RPAP2: variants seen among roughly 807,000 people sequenced by gnomAD.
RPAP2 encodes the protein putative RNA polymerase II subunit B1 CTD phosphatase RPAP2.
In RPAP2, 52 loss-of-function variants were observed where a neutral mutation model predicts 73.1. The ratio of observed to expected loss-of-function variants is 0.71; its 90% CI spans 0.57 to 0.90. RPAP2 has a LOEUF of 0.90. Ranked by LOEUF, RPAP2 falls within the 40% of genes least tolerant of loss-of-function variation. RPAP2 has a pLI of 0.00. For missense variants in RPAP2, 598 were observed against 701.8 expected, an observed-to-expected ratio of 0.85 and a Z score of 1.67; for synonymous variants, 225 against 242.1, an observed-to-expected ratio of 0.93 and a Z score of 0.65.
At chr1:92,373,770 A>AAAAAAC (rs1557630371) in intron 11 of RPAP2, among the ~76,000 whole-genome samples, 1 of 138,328 alleles carries the variant, frequency 7.2e-6, no homozygotes, top group Non-Finnish European at 1.6e-5. Flanking sequence ...AAAAAAAAAA[A>AAAAAAC]GTAGCCAGGC....
intron 9 of RPAP2, among the ~76,000 whole-genome samples, chr1:92,335,400 T>C (rs953348245): frequency 6.6e-6 from 1 of 152,148 alleles, no homozygotes; most frequent in African/African-American, 2.4e-5. Flanking sequence ...CTTAAAAAAA[T>C]AAAGTAACAC....
chr1:92,316,992 AAGG>A (rs1373918422), intron 6 of RPAP2, among the ~76,000 whole-genome samples: 5 of 152,192 alleles, frequency 3.3e-5, no homozygotes, highest in African/African-American at 1.2e-4. Context: ...AAATTACACA[AAGG>A]AGAAGAAAAT....
At chr1:92,367,523 G>A (rs1332779509) in intron 11 of RPAP2, among the ~76,000 whole-genome samples, 1 of 152,182 alleles carries the variant, frequency 6.6e-6, no homozygotes, top group Non-Finnish European at 1.5e-5. Context: ...AAGGGTGAGA[G>A]AATGAGTGTT....
At chr1:92,356,202 C>G (rs1389253291) in intron 11 of RPAP2, among the ~76,000 whole-genome samples, 1 of 151,938 alleles carries the variant, frequency 6.6e-6, no homozygotes. Flanking sequence ...GGTCTCAACT[C>G]CTGGTTTCAA....
chr1:92,363,685 A>G, intron 11 of RPAP2: 1 of 298,146 alleles, frequency 3.4e-6, no homozygotes, highest in Non-Finnish European at 6.6e-6. Flanking sequence ...GACCAACCCC[A>G]CTTCTCTTTC....
At chr1:92,300,597 G>C (rs1435555728) in intron 2 of RPAP2, among the ~76,000 whole-genome samples, 1 of 152,182 alleles carries the variant, frequency 6.6e-6, no homozygotes, top group East Asian at 1.9e-4. Context: ...GTTACATCAA[G>C]TCCAGATTTT....
rs1656286704 is a variant in RPAP2 at position 92,400,455 on chromosome 1, G to T, written c.*13444G>T. On this transcript the variant is annotated 3_prime_UTR_variant, in exon 13 of 13. Coordinates refer to ENST00000610020, the MANE Select transcript of RPAP2 (RefSeq NM_024813.3). Reference sequence around the variant, plus strand: ...CCACCTCAACCTCCAGAGTATCTGGGACTATAGGCACGTACCACCATACCC... The same window carrying T: ...CCACCTCAACCTCCAGAGTATCTGGTACTATAGGCACGTACCACCATACCC... 1 of 152,150 alleles carries T rather than the reference G, an allele frequency of 6.6e-6. No individual in the cohort carries two copies. 9.4% of individuals were successfully genotyped at this position (152,150 alleles called of 1,614,324 possible).
chr1:92,310,609 T>C (rs944189601), intron 6 of RPAP2, among the ~76,000 whole-genome samples: 1 of 152,098 alleles, frequency 6.6e-6, no homozygotes, highest in Non-Finnish European at 1.5e-5. Context: ...TAATAATAAA[T>C]TTTTATGGCC....
intron 11 of RPAP2, among the ~76,000 whole-genome samples, chr1:92,357,098 C>A (rs548013731): frequency 4.0e-5 from 6 of 150,014 alleles, no homozygotes; most frequent in Non-Finnish European, 8.9e-5. Context: ...ATTACATACA[C>A]ACACACACAC....
At chr1:92,357,007 A>G (rs1654502837) in intron 11 of RPAP2, among the ~76,000 whole-genome samples, 3 of 151,764 alleles carry the variant, frequency 2.0e-5, no homozygotes, top group South Asian at 4.2e-4. Context: ...CAGAGGTTGC[A>G]GTGAGCTGAG....
At position 92,300,380 on chromosome 1, in the gene RPAP2, A is replaced by G. The variant is rs1278292037; in HGVS notation, c.119+141A>G. The G allele has an allele frequency of 1.5e-5, 10 of 670,480 alleles. No individual in the cohort carries two copies. The East Asian group carries it at 2.6e-4, about 18-fold the overall frequency. The allele number at this position is 670,480 out of a possible 1,614,324, so 41.5% of individuals were successfully genotyped here. On this transcript the variant is annotated intron_variant, in intron 2 of 12. Transcript: ENST00000610020. Reference sequence around the variant, plus strand: ...GGAAGGGAAAGATCTGGGAAGGCCTATAAATTCTCACATAGACTGTTACAT... The same window carrying G: ...GGAAGGGAAAGATCTGGGAAGGCCTGTAAATTCTCACATAGACTGTTACAT...
chr1:92,301,510 A>G lies in RPAP2; in HGVS notation c.154A>G (p.Ile52Val), dbSNP rs140941947. The G allele has an allele frequency of 1.9e-6, 3 of 1,595,304 alleles. No individual in the cohort carries two copies. Among genetic ancestry groups the G allele is most frequent in the Non-Finnish European group, 2.6e-6 (3 of 1,173,834 alleles). ...AELEAAVRKK[I>V]EFERKALHIV... Reference sequence around the variant, plus strand: ...ACTAGAAGCAGCTGTGAGAAAGAAGATTGAATTTGAGAGAAAAGCTCTACA... The same window carrying G: ...ACTAGAAGCAGCTGTGAGAAAGAAGGTTGAATTTGAGAGAAAAGCTCTACA... Residue 52 changes from isoleucine (I) to valine (V), a missense_variant, in exon 3 of 13, where the codon ATT becomes GTT. This residue lies in a region of RPAP2 where 506 missense variants were observed against 612.8 expected (regional missense o/e 0.83). Transcript: ENST00000610020.
intron 7 of RPAP2, among the ~76,000 whole-genome samples, chr1:92,322,931 T>C (rs1298163595): frequency 2.0e-5 from 3 of 147,710 alleles, no homozygotes; most frequent in African/African-American, 7.4e-5. Context: ...AAACTACATA[T>C]ATACTTTATA....
intron 10 of RPAP2, among the ~76,000 whole-genome samples, chr1:92,337,961 G>A (rs958169951): frequency 1.8e-4 from 27 of 152,168 alleles, no homozygotes; most frequent in Admixed American, 1.6e-3. Flanking sequence ...CTATTCCCAA[G>A]ATATGTTCTT....
intron 12 of RPAP2, among the ~76,000 whole-genome samples, chr1:92,386,140 T>G (rs189139705): frequency 1.5e-3 from 222 of 152,352 alleles, no homozygotes; most frequent in African/African-American, 5.1e-3. Flanking sequence ...ACAGTCTTTT[T>G]GTATTAATAA....
intron 11 of RPAP2, among the ~76,000 whole-genome samples, chr1:92,358,829 C>T (rs935552904): frequency 9.2e-5 from 14 of 152,140 alleles, no homozygotes; most frequent in African/African-American, 3.1e-4. Context: ...CTTAAGTGAT[C>T]CCCAACCTTG....
At chr1:92,320,717 T>G (rs917035274) in intron 7 of RPAP2, 83 bp downstream of exon 7, 2 of 1,070,178 alleles carry the variant, frequency 1.9e-6, no homozygotes, top group African/African-American at 1.5e-5. Context: ...TATGAGCTCT[T>G]GGACTTCCTG....
At chr1:92,364,705 T>G (rs1233056137) in intron 11 of RPAP2, among the ~76,000 whole-genome samples, 1 of 152,186 alleles carries the variant, frequency 6.6e-6, no homozygotes, top group African/African-American at 2.4e-5. Flanking sequence ...GTTAGCTTTC[T>G]CCATTGCCAC....
chr1:92,340,463 A>G (rs1653532838), intron 10 of RPAP2, among the ~76,000 whole-genome samples: 1 of 152,188 alleles, frequency 6.6e-6, no homozygotes, highest in African/African-American at 2.4e-5. Flanking sequence ...GAGTTGACAT[A>G]AATAACCATA....
Sources: allele counts gnomAD v4.1 joint callset (sites outside exome capture counted in the v4.1 genomes callset), GRCh38; gene constraint gnomAD v4.1.1; regional missense constraint gnomAD v4.1.1; transcripts MANE v1.5; gene names NCBI Gene and HGNC (gene_info 2026-07-23, HGNC 2026-07-21).